LRRIQ1: variants seen among roughly 807,000 people sequenced by gnomAD.
The protein encoded by LRRIQ1 is leucine rich repeats and IQ motif containing 1, also known as leucine-rich repeat- and IQ domain-containing protein 1.
A neutral mutation model predicts 211.9 loss-of-function variants in LRRIQ1; 210 were observed. That is an observed-to-expected ratio of 0.99 (90% CI 0.89 to 1.11). The LOEUF (loss-of-function observed/expected upper bound fraction) is 1.11, where lower values mean the gene tolerates loss of function less well. Among genes scored for constraint, LRRIQ1 ranks in the 50% most tolerant of loss-of-function variants. LRRIQ1 has a pLI of 0.00. For missense variants in LRRIQ1, 2,136 were observed against 1,939.5 expected (o/e 1.10, Z -1.90); for synonymous variants, 699 against 650.1 (o/e 1.08, Z -1.14).
intron 5 of LRRIQ1, 107 bp downstream of exon 5, chr12:85,046,244 A>G (rs912013990): frequency 1.1e-5 from 7 of 636,582 alleles, no homozygotes; most frequent in East Asian, 2.6e-5. Context: ...TAGAAAAGCA[A>G]TTACAATGTT....
chr12:85,267,089 TA>T (rs1443311671), downstream of LRRIQ1, among the ~76,000 whole-genome samples: 1 of 152,076 alleles, frequency 6.6e-6, no homozygotes, highest in Non-Finnish European at 1.5e-5. Flanking sequence ...AACTATTTTT[TA>T]AAATAAATAC....
chr12:85,234,474 A>T (rs1457767722), intron 26 of LRRIQ1, among the ~76,000 whole-genome samples: 2 of 152,232 alleles, frequency 1.3e-5, no homozygotes, highest in Non-Finnish European at 2.9e-5. Flanking sequence ...AAATGGTAGT[A>T]GAATAGAAAT....
At chr12:85,159,268 G>C (rs1218975834) in intron 23 of LRRIQ1, among the ~76,000 whole-genome samples, 1 of 151,956 alleles carries the variant, frequency 6.6e-6, no homozygotes. Context: ...CTTCTGTTCA[G>C]TGCACTGTGT....
At chr12:85,205,762 A>G (rs1592968864) in intron 24 of LRRIQ1, among the ~76,000 whole-genome samples, 5 of 152,192 alleles carry the variant, frequency 3.3e-5, no homozygotes, top group African/African-American at 9.6e-5. Flanking sequence ...ATCTCTTTAC[A>G]TAGTCTTATA....
At chr12:85,239,321 C>G (rs896388752) in intron 26 of LRRIQ1, among the ~76,000 whole-genome samples, 2 of 151,106 alleles carry the variant, frequency 1.3e-5, no homozygotes, top group Admixed American at 1.3e-4. Flanking sequence ...GAATTCAAGA[C>G]TTGCTATCAA....
At chr12:85,161,279 G>A (rs61930049) in intron 24 of LRRIQ1, among the ~76,000 whole-genome samples, 659 of 152,162 alleles carry the variant, frequency 4.3e-3, no homozygotes, top group South Asian at 0.011. Flanking sequence ...ATATTTAAAT[G>A]TAATAAAGTA....
At chr12:85,134,454 GATT>G (rs1173113353) in intron 18 of LRRIQ1, among the ~76,000 whole-genome samples, 1 of 152,032 alleles carries the variant, frequency 6.6e-6, no homozygotes, top group Admixed American at 6.6e-5. Context: ...CATGCTTAGA[GATT>G]TTTTTGTCTG....
At chr12:85,266,769 A>T (rs1192772032), downstream of LRRIQ1, among the ~76,000 whole-genome samples, 2 of 152,134 alleles carry the variant, frequency 1.3e-5, no homozygotes, top group African/African-American at 2.4e-5. Context: ...AGTGAGTGAG[A>T]ACTTACTTGC....
chr12:85,149,217 T>C (rs949450233), intron 19 of LRRIQ1, among the ~76,000 whole-genome samples: 7 of 152,186 alleles, frequency 4.6e-5, no homozygotes, highest in Admixed American at 4.6e-4. Flanking sequence ...CGTCATGAAG[T>C]CTTTGCCTAT....
At chr12:85,256,311 A>G (rs1896089786) in intron 1 of LRRIQ1, among the ~76,000 whole-genome samples, 1 of 151,672 alleles carries the variant, frequency 6.6e-6, no homozygotes, top group African/African-American at 2.4e-5. Context: ...TCTAACTGTA[A>G]TATTTTAGTT....
At chr12:85,079,244 CTTTTTTT>C (rs3058476) in intron 11 of LRRIQ1, among the ~76,000 whole-genome samples, 1 of 103,578 alleles carries the variant, frequency 9.7e-6, no homozygotes, top group Non-Finnish European at 1.8e-5. Context: ...GTATCTTTAT[CTTTTTTT>C]TTTTTTTTTT....
At chr12:85,167,210 T>A (rs980297510) in intron 24 of LRRIQ1, among the ~76,000 whole-genome samples, 2 of 152,200 alleles carry the variant, frequency 1.3e-5, no homozygotes, top group African/African-American at 4.8e-5. Flanking sequence ...ACTCACTGTG[T>A]GTCCTGAATA....
At chr12:85,233,140 A>G (rs1043604331) in intron 26 of LRRIQ1, 8 of 225,348 alleles carry the variant, frequency 3.6e-5, no homozygotes, top group African/African-American at 1.7e-4. Context: ...ATAAAAAATT[A>G]ACAAATAATT....
At position 85,056,932 on chromosome 12, in the gene LRRIQ1, A is replaced by G. The variant is rs144874662; in HGVS notation, c.2139A>G (p.Glu713=). ...SLKSEIRNIS[E]KCHENAPEPD... ...AATCTGAGATTAGAAATATTTCAGA[A>G]AAATGCCATGAAAATGCACCTGAAC... The change falls in exon 8 of 27, where the codon GAA becomes GAG. Residue 713 remains glutamate, a synonymous_variant. Coordinates refer to ENST00000393217, the MANE Select transcript of LRRIQ1 (RefSeq NM_001079910.2). The G allele has an allele frequency of 1.7e-4, 273 of 1,612,934 alleles. No individual in the cohort carries two copies. The highest frequency in any genetic ancestry group is 2.3e-4 in the Non-Finnish European group (270 of 1,179,420).
chr12:85,217,470 A>G (rs1233592941), intron 24 of LRRIQ1, among the ~76,000 whole-genome samples: 1 of 77,000 alleles, frequency 1.3e-5, no homozygotes, highest in South Asian at 3.3e-4. Context: ...CCTGAAGTAT[A>G]TATATATATA....
intron 24 of LRRIQ1, among the ~76,000 whole-genome samples, chr12:85,222,380 G>C (rs1894443557): frequency 6.6e-6 from 1 of 152,006 alleles, no homozygotes; most frequent in South Asian, 2.1e-4. Flanking sequence ...GAAGAGACTG[G>C]GGTTTAGCCA....
In LRRIQ1 at chr12:85,052,253, T is replaced by C; in HGVS notation, c.753+2T>C. On this transcript the variant is annotated splice_donor_variant, in intron 7 of 26. Transcript: ENST00000393217. LOFTEE classifies it high-confidence loss of function. ...AAAGAGAAATTTAAACAGCATGAGG[T>C]ATCTATTTGTTGTTTTTATTTAGCA... 4 of 1,418,902 alleles carry C rather than the reference T, an allele frequency of 2.8e-6. No homozygotes were observed. Among genetic ancestry groups the C allele is most frequent in the Non-Finnish European group, 3.9e-6 (4 of 1,025,108 alleles). The allele number at this position is 1,418,902 out of a possible 1,614,324, so 87.9% of individuals were successfully genotyped here.
In LRRIQ1 at chr12:85,044,742, A is replaced by G; in HGVS notation, c.269A>G (p.Asn90Ser). The G allele has an allele frequency of 6.4e-7, 1 of 1,566,254 alleles. No individual in the cohort carries two copies. The highest frequency in any genetic ancestry group is 8.8e-7 in the Non-Finnish European group (1 of 1,140,702). Reference protein sequence around the residue: ...ILSCSYGAVSNNHMHLRTGLS... With the variant: ...ILSCSYGAVSSNHMHLRTGLS... ...GGCTGTAGTTATGGAGCAGTTTCTA[A>G]TAATCATATGCATTTAAGAACAGGA... The change falls in exon 4 of 27, where the codon AAT (asparagine) becomes AGT (serine). Residue 90 changes from asparagine (N) to serine (S), a missense_variant. Asn to Ser is a conservative substitution (Grantham distance 46). Coordinates refer to ENST00000393217, the MANE Select transcript of LRRIQ1 (RefSeq NM_001079910.2).
At chr12:85,109,374 A>G (rs1427448346) in intron 15 of LRRIQ1, among the ~76,000 whole-genome samples, 1 of 152,188 alleles carries the variant, frequency 6.6e-6, no homozygotes, top group Non-Finnish European at 1.5e-5. Context: ...ATATCTTAGA[A>G]GAGTTATTAT....
Sources: gnomAD v4.1 joint callset for allele counts (sites outside exome capture counted in the v4.1 genomes callset) on GRCh38, gnomAD v4.1.1 for gene constraint, MANE v1.5 for transcripts, NCBI Gene and HGNC (gene_info 2026-07-23, HGNC 2026-07-21) for gene names.